The following SLX4IP variants were observed in gnomAD, a reference collection of about 807,000 sequenced individuals.
SLX4IP encodes protein SLX4IP.
Under a neutral mutation model 32.9 loss-of-function variants are expected in SLX4IP, and 34 were observed. That is an observed-to-expected ratio of 1.03 (90% CI 0.79 to 1.38). SLX4IP has a LOEUF of 1.38. SLX4IP is among the 40% of genes most tolerant of loss of function. The pLI is 0.00. For missense variants in SLX4IP, 444 were observed against 479.0 expected (o/e 0.93, Z 0.68); for synonymous variants, 172 against 171.7 (o/e 1.00, Z -0.01).
chr20:10,564,534 C>T (rs576460064), intron 4 of SLX4IP, among the ~76,000 whole-genome samples: 15 of 152,290 alleles, frequency 9.8e-5, no homozygotes, highest in East Asian at 5.8e-4. Flanking sequence ...ACTTAATATA[C>T]AACCCTGGAT....
At chr20:10,525,120 GCTTAT>G (rs1177398726) in intron 2 of SLX4IP, among the ~76,000 whole-genome samples, 2 of 152,030 alleles carry the variant, frequency 1.3e-5, no homozygotes, top group Non-Finnish European at 2.9e-5. Flanking sequence ...ATCTGATCCA[GCTTAT>G]CTTTTTCTTT....
At chr20:10,444,724 C>A (rs949055202) in intron 1 of SLX4IP, among the ~76,000 whole-genome samples, 1 of 152,126 alleles carries the variant, frequency 6.6e-6, no homozygotes, top group Non-Finnish European at 1.5e-5. Context: ...TGTACCCTCA[C>A]ATAAGGTAGA....
intron 4 of SLX4IP, among the ~76,000 whole-genome samples, chr20:10,593,429 A>G (rs972317859): frequency 4.6e-5 from 7 of 151,832 alleles, no homozygotes; most frequent in African/African-American, 1.7e-4. Flanking sequence ...GTGTTTAGGC[A>G]ACTGAGGTTA....
intron 2 of SLX4IP, among the ~76,000 whole-genome samples, chr20:10,462,394 T>C (rs1360180080): frequency 6.6e-6 from 1 of 152,190 alleles, no homozygotes; most frequent in East Asian, 1.9e-4. Context: ...CATCCTAAAA[T>C]TTCAGAACAC....
chr20:10,601,011 T>C (rs570329860), intron 5 of SLX4IP, among the ~76,000 whole-genome samples: 9 of 152,270 alleles, frequency 5.9e-5, no homozygotes, highest in Admixed American at 5.9e-4. Flanking sequence ...AAGATCCAGA[T>C]GTCATTACCA....
chr20:10,438,391 A>G (rs2065132896), intron 1 of SLX4IP, among the ~76,000 whole-genome samples: 1 of 151,460 alleles, frequency 6.6e-6, no homozygotes, highest in African/African-American at 2.4e-5. Flanking sequence ...CCGCATTGTC[A>G]TCCCTCCAGC....
At chr20:10,515,228 G>A (rs1162568816) in intron 2 of SLX4IP, among the ~76,000 whole-genome samples, 1 of 151,952 alleles carries the variant, frequency 6.6e-6, no homozygotes, top group Middle Eastern at 3.2e-3. Context: ...GGGATTACAG[G>A]CAGCTGCCAC....
At position 10,538,128 on chromosome 20, in the gene SLX4IP, G is replaced by A. The variant is rs185692769; in HGVS notation, c.28-18103G>A. 3.6e-3 allele frequency among the ~76,000 whole-genome samples: 549 copies of A among 152,204 alleles called. 3 individuals carry two copies. Among genetic ancestry groups the A allele is most frequent in the African/African-American group, 0.013 (527 of 41,512 alleles). ...AAGAGGACCCTTTCTTTGTTGTTCC[G>A]GGCAGCTGGGAGGATGAGCAGCATC... On this transcript the variant is annotated intron_variant, in intron 2 of 7. Coordinates refer to ENST00000334534, the MANE Select transcript of SLX4IP (RefSeq NM_001009608.3).
intron 2 of SLX4IP, among the ~76,000 whole-genome samples, chr20:10,548,622 C>T (rs568277105): frequency 5.3e-5 from 8 of 152,288 alleles, no homozygotes; most frequent in Admixed American, 2.0e-4. Flanking sequence ...GTTCCTTGTA[C>T]CCCACCTGAC....
intron 6 of SLX4IP, among the ~76,000 whole-genome samples, chr20:10,611,046 G>C (rs979517994): frequency 6.6e-6 from 1 of 152,112 alleles, no homozygotes; most frequent in African/African-American, 2.4e-5. Flanking sequence ...TCACATCGCT[G>C]ATGCTCCTGA....
intron 4 of SLX4IP, among the ~76,000 whole-genome samples, chr20:10,584,886 C>A (rs1444685100): frequency 6.6e-6 from 1 of 152,152 alleles, no homozygotes; most frequent in Admixed American, 6.5e-5. Flanking sequence ...AAAGACCTAG[C>A]ACCTTATAAA....
chr20:10,509,124 C>A (rs1371933503), intron 2 of SLX4IP, among the ~76,000 whole-genome samples: 2 of 152,206 alleles, frequency 1.3e-5, no homozygotes, highest in African/African-American at 4.8e-5. Flanking sequence ...ATTCTACCCA[C>A]AACGTCTGAC....
intron 5 of SLX4IP, 105 bp from the exon 6 acceptor site, chr20:10,601,622 TATGG>T: frequency 1.2e-6 from 1 of 813,504 alleles, no homozygotes. Context: ...GTATGTTTTA[TATGG>T]ATGTGCATAT....
At position 10,455,777 on chromosome 20, in the gene SLX4IP, T is replaced by G. The variant is rs1329356439; in HGVS notation, c.-29-2399T>G. ...GGTGCACACCACCACACCCAGCTAA[T>G]TTTTTGTATTTTTAGTAGAGACAGG... On this transcript the variant is annotated intron_variant, in intron 1 of 7. Coordinates refer to ENST00000334534, the MANE Select transcript of SLX4IP (RefSeq NM_001009608.3). Among the ~76,000 whole-genome samples, 11 of 152,006 alleles carry G rather than the reference T, an allele frequency of 7.2e-5. No individual in the cohort carries two copies. The East Asian group carries it at 2.1e-3, about 29-fold the overall frequency.
intron 4 of SLX4IP, among the ~76,000 whole-genome samples, chr20:10,566,288 T>C (rs1392038469): frequency 1.3e-5 from 1 of 74,800 alleles, no homozygotes; most frequent in Non-Finnish European, 3.5e-5. Flanking sequence ...ATTACATTTT[T>C]TTTTTTTTTT....
rs186210220 is a variant in SLX4IP, at chr20:10,455,671, G to A, written c.-29-2505G>A. Among the ~76,000 whole-genome samples, 495 of 151,558 alleles carry A rather than the reference G, an allele frequency of 3.3e-3. 2 individuals carry two copies. Among genetic ancestry groups the A allele is most frequent in the African/African-American group, 0.012 (477 of 41,230 alleles). ...GTCCCCCAGGCTAGAGTGCAGTGGCGCAATCTTGCCACACTGCAACCTCTG... is the reference window on the plus strand; with the variant it reads ...GTCCCCCAGGCTAGAGTGCAGTGGCACAATCTTGCCACACTGCAACCTCTG... On this transcript the variant is annotated intron_variant, in intron 1 of 7. Coordinates refer to ENST00000334534, the MANE Select transcript of SLX4IP (RefSeq NM_001009608.3).
chr20:10,531,682 A>C (rs1205567206), intron 2 of SLX4IP, among the ~76,000 whole-genome samples: 1 of 152,194 alleles, frequency 6.6e-6, no homozygotes, highest in Non-Finnish European at 1.5e-5. Context: ...AGAAAATAAA[A>C]GATGGTAACT....
At chr20:10,537,700 C>T (rs560327936) in intron 2 of SLX4IP, among the ~76,000 whole-genome samples, 62 of 152,286 alleles carry the variant, frequency 4.1e-4, no homozygotes, top group Non-Finnish European at 7.6e-4. Flanking sequence ...CTCCTTATGA[C>T]ATTAATAATA....
intron 2 of SLX4IP, among the ~76,000 whole-genome samples, chr20:10,537,641 A>G (rs778451613): frequency 8.5e-5 from 13 of 152,128 alleles, no homozygotes; most frequent in African/African-American, 1.2e-4. Flanking sequence ...GATTCATGTA[A>G]TTTTTCTAGG....
Sources: gnomAD v4.1 joint callset for allele counts (sites outside exome capture counted in the v4.1 genomes callset) on GRCh38, gnomAD v4.1.1 for gene constraint, MANE v1.5 for transcripts, NCBI Gene and HGNC (gene_info 2026-07-23, HGNC 2026-07-21) for gene names.